The following CPS1 variants were observed in gnomAD, a reference collection of about 807,000 sequenced individuals.
CPS1 encodes the protein carbamoyl-phosphate synthase 1, also known as carbamoyl-phosphate synthase [ammonia], mitochondrial.
A neutral mutation model predicts 174.6 loss-of-function variants in CPS1; 109 were observed. The ratio of observed to expected loss-of-function variants is 0.62; its 90% CI spans 0.53 to 0.73. CPS1 has a LOEUF of 0.73. Ranked by LOEUF, CPS1 falls within the 30% of genes least tolerant of loss-of-function variation. CPS1 has a pLI of 0.00. For missense variants in CPS1, 1,689 were observed against 1,821.9 expected (o/e 0.93, Z 1.33); for synonymous variants, 637 against 632.0 (o/e 1.01, Z -0.12).
At chr2:210,477,700 C>G (rs977107832) in exon 1 of CPS1, 19 of 1,604,332 alleles carry the variant, frequency 1.2e-5, no homozygotes, top group Non-Finnish European at 1.5e-5. Context: ...AAAATAGTTG[C>G]TTTCTTAGGA....
chr2:210,646,705 T>C (rs1700386256), intron 25 of CPS1, among the ~76,000 whole-genome samples: 1 of 152,150 alleles, frequency 6.6e-6, no homozygotes, highest in Non-Finnish European at 1.5e-5. Context: ...CTTTAATGTT[T>C]AGTGTTTAGG....
Position 210,658,689 on chromosome 2 carries a change from G to C in CPS1, c.3756+1G>C. The stretch of plus-strand genomic sequence containing the variant: ...TCTTGTCAAAGGAAATGATGTCTTG[G>C]TAAGAAATGCCAAGGTGCCTGAGAG... On this transcript the variant is annotated splice_donor_variant, in intron 31 of 37. Coordinates refer to ENST00000233072, the MANE Select transcript of CPS1 (RefSeq NM_001875.5). LOFTEE classifies it high-confidence loss of function. The C allele has an allele frequency of 6.2e-7, 1 of 1,611,172 alleles. No homozygotes were observed. The highest frequency in any genetic ancestry group is 8.5e-7 in the Non-Finnish European group (1 of 1,177,422).
chr2:210,537,341 G>T (rs1696283310), intron 1 of CPS1, among the ~76,000 whole-genome samples: 2 of 152,160 alleles, frequency 1.3e-5, no homozygotes, highest in African/African-American at 4.8e-5. Context: ...TCTTCTGGAG[G>T]AATGACAGTT....
chr2:210,629,530 C>T (rs6743099), intron 21 of CPS1, among the ~76,000 whole-genome samples: 1,760 of 151,070 alleles, frequency 0.012, 34 homozygotes, highest in African/African-American at 0.04. Context: ...TTAGCCAGGA[C>T]GGTCTTGATC....
intron 1 of CPS1, among the ~76,000 whole-genome samples, chr2:210,492,112 C>T (rs2105952498): frequency 6.6e-6 from 1 of 152,290 alleles, no homozygotes; most frequent in East Asian, 1.9e-4. Context: ...CTTCACTATC[C>T]CTCCAGAATT....
chr2:210,523,399 C>T (rs141646043), intron 1 of CPS1, among the ~76,000 whole-genome samples: 2 of 151,950 alleles, frequency 1.3e-5, no homozygotes, highest in African/African-American at 4.8e-5. Flanking sequence ...AATTTTTTTG[C>T]GTAATGGTGC....
chr2:210,627,733 A>T (rs1321210633), intron 21 of CPS1, among the ~76,000 whole-genome samples: 1 of 152,192 alleles, frequency 6.6e-6, no homozygotes, highest in African/African-American at 2.4e-5. Context: ...AAGTGTGAGT[A>T]CAGAAATACT....
intron 1 of CPS1, among the ~76,000 whole-genome samples, chr2:210,544,478 G>T (rs1214808291): frequency 1.3e-5 from 2 of 151,988 alleles, no homozygotes; most frequent in Admixed American, 1.3e-4. Flanking sequence ...CAAACATGTA[G>T]CTGTTTTCCA....
chr2:210,505,871 A>C (rs1695266833), intron 1 of CPS1, among the ~76,000 whole-genome samples: 1 of 152,212 alleles, frequency 6.6e-6, no homozygotes, highest in South Asian at 2.1e-4. Context: ...AGGCTTGAGT[A>C]TGTAAAAAAA....
chr2:210,611,215 G>T (rs2105857436), intron 19 of CPS1, among the ~76,000 whole-genome samples: 1 of 151,988 alleles, frequency 6.6e-6, no homozygotes, highest in Middle Eastern at 3.4e-3. Context: ...TGGCTTTAGT[G>T]ATCATTGAAT....
In CPS1 at chr2:210,639,145, T is replaced by C; in HGVS notation, c.2830-5T>C. On this transcript the variant is annotated splice_polypyrimidine_tract_variant and splice_region_variant and intron_variant, in intron 22 of 37. Transcript: ENST00000233072. ...TTTGTTTATTTTATTTGTTTTCTCTTACAGATTGATACACTGGCTGCAGAA... is the reference window on the plus strand; with the variant it reads ...TTTGTTTATTTTATTTGTTTTCTCTCACAGATTGATACACTGGCTGCAGAA... The C allele has an allele frequency of 1.9e-6, 3 of 1,608,492 alleles. No homozygotes were observed. Among genetic ancestry groups the C allele is most frequent in the Non-Finnish European group, 2.6e-6 (3 of 1,175,182 alleles).
At chr2:210,657,819 G>A (rs1700768134) in intron 30 of CPS1, among the ~76,000 whole-genome samples, 1 of 152,028 alleles carries the variant, frequency 6.6e-6, no homozygotes, top group African/African-American at 2.4e-5. Context: ...AATAGCAGAA[G>A]CATTAAAGAA....
chr2:210,558,291 T>G (rs145447182), intron 1 of CPS1, among the ~76,000 whole-genome samples: 104 of 152,172 alleles, frequency 6.8e-4, no homozygotes, highest in African/African-American at 2.4e-3. Flanking sequence ...ATCATTAGGA[T>G]GTAGTTACAT....
chr2:210,637,980 C>T (rs906698208), intron 22 of CPS1, 137 bp downstream of exon 22: 21 of 945,580 alleles, frequency 2.2e-5, no homozygotes, highest in Non-Finnish European at 3.4e-5. Flanking sequence ...GGTTGATGCT[C>T]ATAATGTCAC....
At chr2:210,484,633 G>A (rs960719056) in intron 1 of CPS1, among the ~76,000 whole-genome samples, 2 of 152,138 alleles carry the variant, frequency 1.3e-5, no homozygotes, top group Non-Finnish European at 2.9e-5. Context: ...ACATCTGGAC[G>A]ATGAGATGCC....
chr2:210,581,283 A>G (rs555524823), intron 5 of CPS1, among the ~76,000 whole-genome samples: 16 of 152,084 alleles, frequency 1.1e-4, no homozygotes, highest in South Asian at 2.1e-4. Flanking sequence ...ATTCAGGAAA[A>G]CTTTACAAGA....
intron 31 of CPS1, 86 bp downstream of exon 31, chr2:210,658,774 A>G: frequency 1.0e-6 from 1 of 993,620 alleles, no homozygotes; most frequent in Non-Finnish European, 1.6e-6. Flanking sequence ...TTCTCTGTGA[A>G]CACCAGACAA....
intron 34 of CPS1, among the ~76,000 whole-genome samples, chr2:210,668,568 A>G (rs1421263630): frequency 2.6e-5 from 4 of 151,996 alleles, no homozygotes; most frequent in African/African-American, 4.8e-5. Flanking sequence ...TGAATCTCTT[A>G]TTCTTTGGTT....
chr2:210,530,139 A>T (rs1369438038), intron 1 of CPS1, among the ~76,000 whole-genome samples: 1 of 152,054 alleles, frequency 6.6e-6, no homozygotes. Context: ...GACTTGCATA[A>T]AGGCATGGAG....
Sources: allele counts gnomAD v4.1 joint callset (sites outside exome capture counted in the v4.1 genomes callset), GRCh38; gene constraint gnomAD v4.1.1; transcripts MANE v1.5; gene names NCBI Gene and HGNC (gene_info 2026-07-23, HGNC 2026-07-21).